TMCC2: variants seen among roughly 807,000 people sequenced by gnomAD.
TMCC2 encodes the protein transmembrane and coiled-coil domains protein 2.
Under a neutral mutation model 49.4 loss-of-function variants are expected in TMCC2, and 16 were observed. The ratio of observed to expected loss-of-function variants is 0.32; its 90% CI spans 0.22 to 0.49. The LOEUF (loss-of-function observed/expected upper bound fraction) is 0.49, where lower values mean the gene tolerates loss of function less well. Ranked by LOEUF, TMCC2 falls within the 20% of genes least tolerant of loss-of-function variation. The pLI is 0.99. For missense variants in TMCC2, 762 were observed against 989.8 expected (o/e 0.77, Z 3.09); for synonymous variants, 397 against 434.1 (o/e 0.91, Z 1.06).
At chr1:205,237,662 A>G (rs1284297583) in intron 1 of TMCC2, among the ~76,000 whole-genome samples, 1 of 152,266 alleles carries the variant, frequency 6.6e-6, no homozygotes, top group Admixed American at 6.5e-5. Flanking sequence ...CTGTGTTTGC[A>G]GATTTTGGAG....
At position 205,257,279 on chromosome 1, in the gene TMCC2, G is replaced by A. The variant is rs1660914063; in HGVS notation, c.748-11671G>A. The A allele has an allele frequency of 7.3e-6, 9 of 1,232,122 alleles. 2 individuals carry two copies. In the South Asian group the frequency reaches 3.3e-4, roughly 45 times the overall value. The allele number at this position is 1,232,122 out of a possible 1,614,324, so 76.3% of individuals were successfully genotyped here. On this transcript the variant is annotated intron_variant, in intron 2 of 4. Transcript: ENST00000358024. Reference sequence around the variant, plus strand: ...TGCTGCCCAGGGTCTGTGACCCCGGGGGCCTGACACAGTCCGCAGACAGCT... The same window carrying A: ...TGCTGCCCAGGGTCTGTGACCCCGGAGGCCTGACACAGTCCGCAGACAGCT...
rs1661573867 is a variant in TMCC2 at position 205,271,153 on chromosome 1, G to A, written c.1716G>A (p.Leu572=). ...YERLEEQLND[L]TELHQNEMTN... Reference sequence around the variant, plus strand: ...GGCTGGAGGAGCAGCTCAACGACCTGACTGAGCTTCATCAGAACGAGATGA... The same window carrying A: ...GGCTGGAGGAGCAGCTCAACGACCTAACTGAGCTTCATCAGAACGAGATGA... The change falls in exon 4 of 5, where the codon CTG becomes CTA. Residue 572 remains leucine, a synonymous_variant. Transcript: ENST00000358024. 6.2e-7 allele frequency: 1 copy of A among 1,613,492 alleles called. No individual in the cohort carries two copies. The highest frequency in any genetic ancestry group is 1.1e-5 in the South Asian group (1 of 91,042).
chr1:205,235,282 A>G (rs1015812968), intron 1 of TMCC2, among the ~76,000 whole-genome samples: 1 of 151,734 alleles, frequency 6.6e-6, no homozygotes, highest in Non-Finnish European at 1.5e-5. Flanking sequence ...GGCAAACGAA[A>G]CTCCCTGTTC....
chr1:205,236,163 A>G (rs1440642465), intron 1 of TMCC2, among the ~76,000 whole-genome samples: 1 of 152,114 alleles, frequency 6.6e-6, no homozygotes, highest in Non-Finnish European at 1.5e-5. Flanking sequence ...TCCACCAGGG[A>G]AAACAAATCT....
At chr1:205,246,376 C>A (rs1238609821) in intron 2 of TMCC2, 13 of 707,946 alleles carry the variant, frequency 1.8e-5, no homozygotes, top group Non-Finnish European at 1.9e-5. Flanking sequence ...ATTAAACATC[C>A]ACGTGGAAAT....
intron 2 of TMCC2, among the ~76,000 whole-genome samples, chr1:205,266,443 A>G (rs1403283339): frequency 1.3e-5 from 2 of 151,434 alleles, no homozygotes; most frequent in Non-Finnish European, 2.9e-5. Flanking sequence ...ATACAAAAAA[A>G]TTAGCCGGGC....
At chr1:205,229,089 A>T (rs1022957570) in intron 1 of TMCC2, 8 of 1,197,014 alleles carry the variant, frequency 6.7e-6, no homozygotes. Context: ...GATGCTAACC[A>T]AAAAGTGGAC....
chr1:205,246,468 A>C (rs1425549480), intron 2 of TMCC2: 1 of 1,420,240 alleles, frequency 7.0e-7, no homozygotes, highest in African/African-American at 1.4e-5. Flanking sequence ...AGTTGTCAGC[A>C]TATAGATAGT....
At chr1:205,228,804 C>A in intron 1 of TMCC2, 33 bp downstream of exon 1, 1 of 1,555,906 alleles carries the variant, frequency 6.4e-7, no homozygotes, top group Non-Finnish European at 8.7e-7. Context: ...GCAAGCCCAG[C>A]CCGCGACTTA....
chr1:205,266,427 C>A (rs11588559), intron 2 of TMCC2, among the ~76,000 whole-genome samples: 3,871 of 150,898 alleles, frequency 0.026, 62 homozygotes, highest in East Asian at 0.06. Flanking sequence ...TCCATTTCTA[C>A]TAAAAATACA....
intron 1 of TMCC2, chr1:205,229,153 TTG>T (rs56153352): frequency 0.048 from 25,796 of 537,754 alleles, 313 homozygotes; most frequent in African/African-American, 0.1. Context: ...ATTGGGATCT[TTG>T]TGTGTGTGTG....
chr1:205,262,445 C>T (rs1218084229), intron 2 of TMCC2, among the ~76,000 whole-genome samples: 1 of 152,160 alleles, frequency 6.6e-6, no homozygotes, highest in Non-Finnish European at 1.5e-5. Flanking sequence ...AGCTCCGACT[C>T]TGCTTCTCAG....
chr1:205,268,237 A>T (rs1661427247), intron 2 of TMCC2, among the ~76,000 whole-genome samples: 1 of 152,088 alleles, frequency 6.6e-6, no homozygotes, highest in African/African-American at 2.4e-5. Context: ...CAGAGAGAAA[A>T]TTTGTCTCAT....
chr1:205,266,022 A>C (rs1199815063), intron 2 of TMCC2, among the ~76,000 whole-genome samples: 17 of 132,788 alleles, frequency 1.3e-4, no homozygotes, highest in East Asian at 4.9e-4. Flanking sequence ...CGGGCGGATC[A>C]TGAGGTCAGG....
rs2102624052 is a variant in TMCC2, at chr1:205,272,973, C to A, written c.*849C>A. The A allele has an allele frequency of 6.6e-6, 1 of 152,538 alleles. No individual in the cohort carries two copies. Among genetic ancestry groups the A allele is most frequent in the Non-Finnish European group, 1.5e-5 (1 of 68,074 alleles). The allele number at this position is 152,538 out of a possible 1,614,324, so 9.4% of individuals were successfully genotyped here. A position where few individuals can be genotyped will look rare whatever the true frequency, so the allele number is the denominator to read the frequency against. ...CAGGAGAGGTCCTGCCCCATCCTCT[C>A]TCTGAAGCCAGGGCCCTTCCATTCC... On this transcript the variant is annotated 3_prime_UTR_variant, in exon 5 of 5. Transcript: ENST00000358024.
At chr1:205,235,946 A>G (rs1422952497) in intron 1 of TMCC2, among the ~76,000 whole-genome samples, 2 of 151,842 alleles carry the variant, frequency 1.3e-5, no homozygotes, top group Non-Finnish European at 1.5e-5. Flanking sequence ...GTGTGCCCGT[A>G]TAGTCCTAGC....
intron 1 of TMCC2, chr1:205,236,928 T>G (rs1200141768): frequency 6.6e-6 from 1 of 152,172 alleles, no homozygotes; most frequent in African/African-American, 2.4e-5. Context: ...GGTGACCTTT[T>G]CCCACTTGCT....
rs140763897 is a variant in TMCC2 at position 205,272,107 on chromosome 1, G to A, written c.2113G>A (p.Val705Met). The change falls in exon 5 of 5, where the codon GTG becomes ATG. Residue 705 changes from valine (V) to methionine (M), a missense_variant. Coordinates refer to ENST00000358024, the MANE Select transcript of TMCC2 (RefSeq NM_014858.4). The part of the protein sequence containing the change: ...WDSLTYLLEH[V>M]LLPS ...CTCCCTCACCTACCTCCTGGAGCAC[G>A]TGTTGCTGCCCAGCTGAGTGGCCAG... 132 of 1,612,624 alleles carry A rather than the reference G, an allele frequency of 8.2e-5. No homozygotes were observed. Among genetic ancestry groups the A allele is most frequent in the Admixed American group, 1.0e-4 (6 of 59,980 alleles).
Position 205,272,264 on chromosome 1 carries a change from G to C in TMCC2, c.*140G>C, listed in dbSNP as rs908812904. 7.0e-7 allele frequency: 1 copy of C among 1,426,858 alleles called. No homozygotes were observed. The highest frequency in any genetic ancestry group is 9.2e-7 in the Non-Finnish European group (1 of 1,086,048). 88.4% of individuals were successfully genotyped at this position (1,426,858 alleles called of 1,614,324 possible). A position where few individuals can be genotyped will look rare whatever the true frequency, so the allele number is the denominator to read the frequency against. On this transcript the variant is annotated 3_prime_UTR_variant, in exon 5 of 5. Transcript: ENST00000358024. ...TCCAGCAGCTCCTGCCCCCTTCTCT[G>C]TACTTGCTTCTGTCTGACACCTTCT...
Sources: allele counts gnomAD v4.1 joint callset (sites outside exome capture counted in the v4.1 genomes callset), GRCh38; gene constraint gnomAD v4.1.1; transcripts MANE v1.5; gene names NCBI Gene and HGNC (gene_info 2026-07-23, HGNC 2026-07-21).